ULK4: variants seen among roughly 807,000 people sequenced by gnomAD.
ULK4 encodes the protein inactive serine/threonine-protein kinase ULK4.
Under a neutral mutation model 160.6 loss-of-function variants are expected in ULK4, and 133 were observed. The ratio of observed to expected loss-of-function variants is 0.83; its 90% CI spans 0.72 to 0.96. The LOEUF is 0.96. ULK4 is among the 40% of genes least tolerant of loss of function. ULK4 has a pLI of 0.00. For synonymous variants in ULK4, 534 were observed against 539.8 expected (o/e 0.99, Z 0.15); for missense variants, 1,580 against 1,499.5 (o/e 1.05, Z -0.89).
chr3:41,740,674 C>G (rs533635827), intron 22 of ULK4, among the ~76,000 whole-genome samples: 1 of 151,918 alleles, frequency 6.6e-6, no homozygotes, highest in South Asian at 2.1e-4. Context: ...TGCAGAAAAA[C>G]ATATTTGCAT....
intron 7 of ULK4, among the ~76,000 whole-genome samples, chr3:41,916,866 CCTGG>C (rs2148809570): frequency 6.6e-6 from 1 of 152,030 alleles, no homozygotes; most frequent in Non-Finnish European, 1.5e-5. Flanking sequence ...TGCCACCATG[CCTGG>C]CTAATTTTTT....
chr3:41,377,320 C>G (rs2081526778), intron 35 of ULK4, among the ~76,000 whole-genome samples: 1 of 152,010 alleles, frequency 6.6e-6, no homozygotes, highest in South Asian at 2.1e-4. Flanking sequence ...TGGGCAAGGA[C>G]TTCATGTCTA....
At chr3:41,444,885 G>A (rs1257620458) in intron 34 of ULK4, among the ~76,000 whole-genome samples, 2 of 152,210 alleles carry the variant, frequency 1.3e-5, no homozygotes, top group African/African-American at 2.4e-5. Flanking sequence ...CAATCAGGCA[G>A]GAGAAAGAAA....
intron 27 of ULK4, among the ~76,000 whole-genome samples, chr3:41,693,693 G>A (rs750566225): frequency 6.6e-6 from 1 of 152,192 alleles, no homozygotes; most frequent in Non-Finnish European, 1.5e-5. Context: ...GAGTATGATG[G>A]AATGGCAATG....
chr3:41,582,975 T>C (rs997793643), intron 31 of ULK4, among the ~76,000 whole-genome samples: 2 of 152,246 alleles, frequency 1.3e-5, no homozygotes, highest in Admixed American at 6.5e-5. Context: ...ACTTCTTTTT[T>C]GTGAAAGCTC....
chr3:41,369,440 G>A (rs573959556), intron 35 of ULK4, among the ~76,000 whole-genome samples: 3 of 151,618 alleles, frequency 2.0e-5, no homozygotes, highest in African/African-American at 7.3e-5. Flanking sequence ...GCTGCAGTAA[G>A]CTGAGATTAC....
chr3:41,294,733 C>A (rs1559509172), intron 35 of ULK4, among the ~76,000 whole-genome samples: 1 of 151,772 alleles, frequency 6.6e-6, no homozygotes, highest in East Asian at 1.9e-4. Context: ...AATGCAATAA[C>A]AAGAAAAGAA....
At chr3:41,352,974 T>C (rs12634927) in intron 35 of ULK4, among the ~76,000 whole-genome samples, 5,936 of 152,256 alleles carry the variant, frequency 0.039, 308 homozygotes, top group East Asian at 0.19. Flanking sequence ...TCAGTACCCA[T>C]GGACCTGAGA....
At chr3:41,682,897 A>G (rs898629368) in intron 27 of ULK4, among the ~76,000 whole-genome samples, 1 of 152,250 alleles carries the variant, frequency 6.6e-6, no homozygotes, top group Non-Finnish European at 1.5e-5. Context: ...TGAATAGTGT[A>G]TATCAGGAGA....
chr3:41,802,763 T>C (rs575951174), intron 19 of ULK4, among the ~76,000 whole-genome samples: 3 of 152,296 alleles, frequency 2.0e-5, no homozygotes, highest in African/African-American at 7.2e-5. Context: ...ATCATAAAAA[T>C]AAGGTTCTGA....
At chr3:41,510,155 A>T (rs1423538167) in intron 32 of ULK4, among the ~76,000 whole-genome samples, 1 of 152,238 alleles carries the variant, frequency 6.6e-6, no homozygotes, top group Non-Finnish European at 1.5e-5. Flanking sequence ...ATGCACATGG[A>T]CACCAAAAGT....
intron 20 of ULK4, 70 bp from the exon 21 acceptor site, chr3:41,789,913 C>A (rs1303210799): frequency 1.5e-6 from 2 of 1,351,656 alleles, no homozygotes; most frequent in Admixed American, 5.1e-5. Flanking sequence ...AAAGGTAACA[C>A]ATGCTTCTGT....
At chr3:41,753,175 C>T (rs139372732) in intron 22 of ULK4, among the ~76,000 whole-genome samples, 72 of 152,272 alleles carry the variant, frequency 4.7e-4, no homozygotes, top group Middle Eastern at 6.8e-3. Context: ...GCCATGATTA[C>T]ACCACTGCAC....
At chr3:41,367,878 C>A (rs1259099602) in intron 35 of ULK4, among the ~76,000 whole-genome samples, 1 of 152,014 alleles carries the variant, frequency 6.6e-6, no homozygotes, top group Admixed American at 6.5e-5. Context: ...TATATGTATG[C>A]AGGTATACAC....
chr3:41,745,092 T>C lies in ULK4; in HGVS notation c.2321+9269A>G, dbSNP rs181104827. ...AGAGACAGAGTTATAGAAATAATGC[T>C]ACATGAGACCTTTTACAAAAAGAAA... On this transcript the variant is annotated intron_variant, in intron 22 of 36. Transcript: ENST00000301831. Among the ~76,000 whole-genome samples the C allele has an allele frequency of 1.8e-4, 28 of 151,686 alleles. No individual in the cohort carries two copies. In the East Asian group the frequency reaches 5.2e-3, roughly 28 times the overall value.
intron 31 of ULK4, among the ~76,000 whole-genome samples, chr3:41,601,073 A>T (rs1455299110): frequency 6.6e-6 from 1 of 152,236 alleles, no homozygotes; most frequent in Admixed American, 6.5e-5. Context: ...AATCAGTAGA[A>T]CTGATAAATA....
chr3:41,671,310 T>C (rs941361865), intron 29 of ULK4, among the ~76,000 whole-genome samples: 7 of 152,034 alleles, frequency 4.6e-5, no homozygotes, highest in Admixed American at 2.0e-4. Flanking sequence ...AGAACAAATC[T>C]AGAAGCATCA....
intron 35 of ULK4, among the ~76,000 whole-genome samples, chr3:41,300,332 T>C (rs558115110): frequency 2.0e-5 from 3 of 152,300 alleles, no homozygotes; most frequent in African/African-American, 7.2e-5. Context: ...CAGCTCTAAA[T>C]TGTGGAAACT....
intron 2 of ULK4, among the ~76,000 whole-genome samples, chr3:41,951,063 G>C (rs1410964339): frequency 7.3e-6 from 1 of 136,874 alleles, no homozygotes; most frequent in East Asian, 2.4e-4. Flanking sequence ...AGAATGGCGT[G>C]AACCCCGGGA....
Sources: gnomAD v4.1 joint callset for allele counts (sites outside exome capture counted in the v4.1 genomes callset) on GRCh38, gnomAD v4.1.1 for gene constraint, MANE v1.5 for transcripts, NCBI Gene and HGNC (gene_info 2026-07-23, HGNC 2026-07-21) for gene names.